PRKCB: variants seen among roughly 807,000 people sequenced by gnomAD.
PRKCB encodes the protein protein kinase C beta, also known as protein kinase C beta type.
PRKCB carries 13 observed loss-of-function variants against 81.5 expected under a neutral mutation model. The ratio of observed to expected loss-of-function variants is 0.16; its 90% CI spans 0.10 to 0.25. The LOEUF (loss-of-function observed/expected upper bound fraction) is 0.25, where lower values mean the gene tolerates loss of function less well. Ranked by LOEUF, PRKCB falls within the 10% of genes least tolerant of loss-of-function variation. PRKCB has a pLI of 1.00. For synonymous variants in PRKCB, 335 were observed against 321.4 expected (o/e 1.04, Z -0.45); for missense variants, 509 against 875.7 (o/e 0.58, Z 5.29).
intron 3 of PRKCB, among the ~76,000 whole-genome samples, chr16:24,016,212 C>T (rs905991801): frequency 3.9e-5 from 6 of 152,122 alleles, no homozygotes. Flanking sequence ...CATTTCTTCC[C>T]AGCTTTTAAC....
rs544175254 is a variant in PRKCB, at chr16:23,968,519, C to T, written c.206-19989C>T. 1.2e-4 allele frequency among the ~76,000 whole-genome samples: 18 copies of T among 152,236 alleles called. No homozygotes were observed. In the South Asian group the frequency reaches 2.5e-3, roughly 21 times the overall value. ...TGAACCGCTTCCCAAATAGCAGTAC[C>T]GAGGCAGGGAGGAAGAGGGGGAAGA... On this transcript the variant is annotated intron_variant, in intron 2 of 16. Transcript: ENST00000643927.
In PRKCB at chr16:23,968,610, G is replaced by C. The variant is rs113255997; in HGVS notation, c.206-19898G>C. Among the ~76,000 whole-genome samples the C allele has an allele frequency of 9.0e-3, 1,367 of 152,256 alleles. 29 individuals are homozygous for C. Among genetic ancestry groups the C allele is most frequent in the African/African-American group, 0.031 (1,301 of 41,538 alleles). ...CCTCACCCACTGGCTGAACCCAGCT[G>C]GAAACCAGAAGGACCAGATGATGAA... On this transcript the variant is annotated intron_variant, in intron 2 of 16. Transcript: ENST00000643927.
At chr16:23,879,197 G>C (rs573581468) in intron 2 of PRKCB, among the ~76,000 whole-genome samples, 1 of 152,000 alleles carries the variant, frequency 6.6e-6, no homozygotes, top group African/African-American at 2.4e-5. Flanking sequence ...AAGAGGCAGT[G>C]TAGTGGTTGA....
intron 2 of PRKCB, among the ~76,000 whole-genome samples, chr16:23,962,290 G>A (rs1192776155): frequency 6.6e-6 from 1 of 151,978 alleles, no homozygotes; most frequent in Non-Finnish European, 1.5e-5. Flanking sequence ...GCTCCCTAAC[G>A]TCCCTGTCTT....
At chr16:23,893,582 AT>A (rs1963327286) in intron 2 of PRKCB, 1 of 152,216 alleles carries the variant, frequency 6.6e-6, no homozygotes, top group African/African-American at 2.4e-5. Context: ...GAAAAAAACC[AT>A]CCGGCGTTGT....
At chr16:23,869,124 C>G in intron 2 of PRKCB, 1 of 453,822 alleles carries the variant, frequency 2.2e-6, no homozygotes, top group Middle Eastern at 6.9e-4. Context: ...AAGGGACACA[C>G]TTTCCTTCCC....
Position 23,943,149 on chromosome 16 carries a change from C to T in PRKCB, c.206-45359C>T, listed in dbSNP as rs182075767. On this transcript the variant is annotated intron_variant, in intron 2 of 16. Coordinates refer to ENST00000643927, the MANE Select transcript of PRKCB (RefSeq NM_002738.7). ...CACCAGACTTGTTGCATGGGAAACTCAGTCAAACTCTGAAGCTTCGGAGTG... is the reference window on the plus strand; with the variant it reads ...CACCAGACTTGTTGCATGGGAAACTTAGTCAAACTCTGAAGCTTCGGAGTG... Among the ~76,000 whole-genome samples the T allele has an allele frequency of 9.4e-4, 143 of 152,266 alleles. 1 individual carries two copies. Among genetic ancestry groups the T allele is most frequent in the African/African-American group, 3.2e-3 (134 of 41,536 alleles).
chr16:24,081,919 G>GA (rs995677159), intron 5 of PRKCB, among the ~76,000 whole-genome samples: 1 of 151,566 alleles, frequency 6.6e-6, no homozygotes, highest in African/African-American at 2.4e-5. Context: ...GAATGGAAAG[G>GA]AAAAAAAGAA....
At chr16:24,181,028 A>G in intron 13 of PRKCB, 100 bp downstream of exon 13, 2 of 1,448,192 alleles carry the variant, frequency 1.4e-6, no homozygotes, top group Non-Finnish European at 1.9e-6. Context: ...GTACCTTGCA[A>G]GGGAACCTCG....
At chr16:24,117,703 G>A (rs1966750966) in intron 8 of PRKCB, among the ~76,000 whole-genome samples, 1 of 152,122 alleles carries the variant, frequency 6.6e-6, no homozygotes, top group South Asian at 2.1e-4. Flanking sequence ...GGTGATCCTG[G>A]AAGCACCATA....
chr16:24,119,661 G>C (rs1339701237), intron 8 of PRKCB, among the ~76,000 whole-genome samples: 2 of 152,086 alleles, frequency 1.3e-5, no homozygotes, highest in African/African-American at 2.4e-5. Context: ...TGATGATTTA[G>C]GAGGGTGTGA....
intron 8 of PRKCB, among the ~76,000 whole-genome samples, chr16:24,122,978 A>G (rs1243628882): frequency 6.6e-6 from 1 of 152,220 alleles, no homozygotes; most frequent in Admixed American, 6.5e-5. Flanking sequence ...TTATGCAACA[A>G]ATATTTAGTT....
intron 2 of PRKCB, among the ~76,000 whole-genome samples, chr16:23,933,752 T>C (rs967988581): frequency 5.6e-5 from 8 of 142,158 alleles, no homozygotes; most frequent in African/African-American, 1.1e-4. Flanking sequence ...CGTCCATCCA[T>C]CTATCCATCT....
intron 15 of PRKCB, among the ~76,000 whole-genome samples, chr16:24,190,650 C>G (rs912570802): frequency 2.6e-5 from 4 of 152,060 alleles, no homozygotes; most frequent in East Asian, 1.9e-4. Flanking sequence ...TCCCAAGTAG[C>G]TGGGACTACA....
intron 2 of PRKCB, among the ~76,000 whole-genome samples, chr16:23,847,370 ATCTATC>A (rs1962391406): frequency 1.2e-4 from 1 of 8,580 alleles, no homozygotes; most frequent in Non-Finnish European, 2.1e-4. Flanking sequence ...CTATCTATCT[ATCTATC>A]TGTCCATCTA....
chr16:23,999,248 C>T (rs757188166), intron 3 of PRKCB, among the ~76,000 whole-genome samples: 14 of 152,158 alleles, frequency 9.2e-5, no homozygotes, highest in Non-Finnish European at 1.5e-4. Context: ...GCAGCAAGTT[C>T]GTGAAGCAGA....
intron 2 of PRKCB, among the ~76,000 whole-genome samples, chr16:23,950,950 C>T (rs116304616): frequency 6.6e-6 from 1 of 152,168 alleles, no homozygotes; most frequent in Non-Finnish European, 1.5e-5. Context: ...ACTCTATTCC[C>T]TGAGTAGCAA....
chr16:23,854,381 T>C (rs1307366031), intron 2 of PRKCB, among the ~76,000 whole-genome samples: 3 of 152,118 alleles, frequency 2.0e-5, no homozygotes, highest in Non-Finnish European at 2.9e-5. Flanking sequence ...ACTGTTTTAT[T>C]TAGTTTTAGT....
At chr16:24,176,512 C>T (rs563633989) in intron 12 of PRKCB, among the ~76,000 whole-genome samples, 3 of 152,352 alleles carry the variant, frequency 2.0e-5, no homozygotes, top group South Asian at 2.1e-4. Flanking sequence ...TGAAATGGCA[C>T]ATGGAAATCC....
Sources: allele counts gnomAD v4.1 joint callset (sites outside exome capture counted in the v4.1 genomes callset), GRCh38; gene constraint gnomAD v4.1.1; transcripts MANE v1.5; gene names NCBI Gene and HGNC (gene_info 2026-07-23, HGNC 2026-07-21).